Variants in ROBO1 observed in about 807,000 individuals in gnomAD.
The protein encoded by ROBO1 is roundabout guidance receptor 1.
ROBO1 carries 149 observed loss-of-function variants against 195.9 expected under a neutral mutation model. The observed-to-expected ratio is 0.76, with a 90% CI of 0.67 to 0.87. ROBO1 has a LOEUF of 0.87. ROBO1 is among the 40% of genes least tolerant of loss of function. The probability of loss-of-function intolerance (pLI) is 0.00; values close to 1 mark genes in which losing one functional copy is unlikely to be tolerated. For missense variants in ROBO1, 1,933 were observed against 2,068.3 expected, an observed-to-expected ratio of 0.93 and a Z score of 1.27; for synonymous variants, 816 against 733.2, an observed-to-expected ratio of 1.11 and a Z score of -1.82.
chr3:78,649,047 T>C (rs1366341028), intron 19 of ROBO1, among the ~76,000 whole-genome samples: 1 of 152,110 alleles, frequency 6.6e-6, no homozygotes. Context: ...ATTGTGTTTT[T>C]TTTCAGTCAG....
chr3:78,877,603 TTAAAG>T (rs1490903814), intron 4 of ROBO1, among the ~76,000 whole-genome samples: 1 of 152,206 alleles, frequency 6.6e-6, no homozygotes, highest in Non-Finnish European at 1.5e-5. Context: ...TTAAAATAGT[TTAAAG>T]TAATGTGAGC....
At chr3:79,522,905 T>C (rs1232770259) in intron 2 of ROBO1, among the ~76,000 whole-genome samples, 3 of 152,184 alleles carry the variant, frequency 2.0e-5, no homozygotes, top group Non-Finnish European at 2.9e-5. Flanking sequence ...GATTCAGCCT[T>C]GTAAAATTGG....
At chr3:79,087,401 C>T (rs191551934) in intron 3 of ROBO1, among the ~76,000 whole-genome samples, 1 of 152,102 alleles carries the variant, frequency 6.6e-6, no homozygotes, top group Admixed American at 6.6e-5. Context: ...GTTTCCAAAC[C>T]TTTAATGATG....
intron 1 of ROBO1, among the ~76,000 whole-genome samples, chr3:79,697,066 C>CA (rs1350761696): frequency 2.0e-5 from 3 of 151,214 alleles, no homozygotes; most frequent in African/African-American, 7.3e-5. Flanking sequence ...AGGTAGCATG[C>CA]AAAAATATAA....
At chr3:79,164,080 C>A (rs1262381970) in intron 2 of ROBO1, among the ~76,000 whole-genome samples, 1 of 152,106 alleles carries the variant, frequency 6.6e-6, no homozygotes, top group African/African-American at 2.4e-5. Context: ...CCAAAGGTCT[C>A]ATTTTGTTGT....
intron 5 of ROBO1, among the ~76,000 whole-genome samples, chr3:78,721,099 A>G (rs567722598): frequency 6.8e-6 from 1 of 148,024 alleles, no homozygotes; most frequent in African/African-American, 2.5e-5. Context: ...AAGTATAATT[A>G]AAAAAAAAAG....
intron 2 of ROBO1, among the ~76,000 whole-genome samples, chr3:79,448,114 G>A (rs2039325301): frequency 1.3e-5 from 2 of 152,062 alleles, no homozygotes; most frequent in Admixed American, 6.6e-5. Flanking sequence ...GCTATTATTA[G>A]CTAAATCTTA....
At chr3:78,972,210 TCTTGCATGAA>T (rs1225229561) in intron 3 of ROBO1, among the ~76,000 whole-genome samples, 1 of 152,190 alleles carries the variant, frequency 6.6e-6, no homozygotes, top group Non-Finnish European at 1.5e-5. Context: ...TCCTTTTACT[TCTTGCATGAA>T]CAAAGGGCTT....
intron 2 of ROBO1, among the ~76,000 whole-genome samples, chr3:79,261,174 T>C (rs2082932132): frequency 6.6e-6 from 1 of 152,126 alleles, no homozygotes; most frequent in Non-Finnish European, 1.5e-5. Flanking sequence ...AGTATTTTTT[T>C]TGTATATGTT....
intron 3 of ROBO1, among the ~76,000 whole-genome samples, chr3:78,947,310 T>G (rs2107745293): frequency 1.3e-5 from 2 of 152,056 alleles, no homozygotes; most frequent in East Asian, 3.9e-4. Flanking sequence ...GAACAGAAAT[T>G]ATAACAAACT....
At chr3:78,998,113 T>C (rs1357643097) in intron 3 of ROBO1, among the ~76,000 whole-genome samples, 1 of 152,140 alleles carries the variant, frequency 6.6e-6, no homozygotes, top group Non-Finnish European at 1.5e-5. Context: ...CCATACCCCA[T>C]GGTTTTTCTA....
At chr3:78,658,231 C>A (rs988274326) in intron 17 of ROBO1, among the ~76,000 whole-genome samples, 2 of 152,150 alleles carry the variant, frequency 1.3e-5, no homozygotes, top group African/African-American at 2.4e-5. Context: ...ATATGGTGCA[C>A]GACAATGTTC....
chr3:78,907,521 T>G lies in ROBO1; in HGVS notation c.499+31080A>C, dbSNP rs2037996803. Among the ~76,000 whole-genome samples the G allele has an allele frequency of 2.0e-5, 3 of 152,102 alleles. No homozygotes were observed. In the South Asian group the frequency reaches 6.2e-4, roughly 31 times the overall value. On this transcript the variant is annotated intron_variant, in intron 4 of 30. Transcript: ENST00000464233. ...AGTGAGTTGGACTATAACCTTCATT[T>G]ATTCCCTTGACCAGATGACCTTTTG...
At chr3:78,996,957 A>G (rs958052196) in intron 3 of ROBO1, among the ~76,000 whole-genome samples, 2 of 152,154 alleles carry the variant, frequency 1.3e-5, no homozygotes, top group Non-Finnish European at 2.9e-5. Flanking sequence ...ATCTTCATGT[A>G]GATATAAGAC....
At position 79,370,183 on chromosome 3, in the gene ROBO1, C is replaced by T. The variant is rs1455554205; in HGVS notation, c.88+219641G>A. 4.0e-5 allele frequency among the ~76,000 whole-genome samples: 6 copies of T among 150,612 alleles called. No individual in the cohort carries two copies. In the East Asian group the frequency reaches 9.7e-4, roughly 24 times the overall value. On this transcript the variant is annotated intron_variant, in intron 2 of 30. Transcript: ENST00000464233. ...CAGCCTGGGCAACATGGTGAAACCT[C>T]GTCTCTATTAAAAATTGGAAAAAAA...
chr3:79,644,795 T>A (rs567624926), intron 1 of ROBO1, among the ~76,000 whole-genome samples: 1 of 152,126 alleles, frequency 6.6e-6, no homozygotes, highest in South Asian at 2.1e-4. Flanking sequence ...TTCTCCAGAA[T>A]AGATCATGTT....
chr3:79,743,309 G>T (rs2107437219), intron 1 of ROBO1, among the ~76,000 whole-genome samples: 1 of 152,272 alleles, frequency 6.6e-6, no homozygotes, highest in Non-Finnish European at 1.5e-5. Context: ...TTACACAATG[G>T]TATTTGTGTA....
chr3:79,224,758 T>C (rs2082196600), intron 2 of ROBO1, among the ~76,000 whole-genome samples: 1 of 152,256 alleles, frequency 6.6e-6, no homozygotes, highest in Non-Finnish European at 1.5e-5. Flanking sequence ...TTAGCAATTA[T>C]TTGTTGAACC....
At chr3:79,028,665 A>G (rs538267584) in intron 3 of ROBO1, among the ~76,000 whole-genome samples, 2 of 152,146 alleles carry the variant, frequency 1.3e-5, no homozygotes, top group South Asian at 4.1e-4. Context: ...TGCTTTGTAG[A>G]ATGCTTATTC....
Sources: gnomAD v4.1 joint callset for allele counts (sites outside exome capture counted in the v4.1 genomes callset) on GRCh38, gnomAD v4.1.1 for gene constraint, MANE v1.5 for transcripts, NCBI Gene and HGNC (gene_info 2026-07-23, HGNC 2026-07-21) for gene names.